COG5: variants seen among roughly 807,000 people sequenced by gnomAD.
The protein encoded by COG5 is component of oligomeric golgi complex 5, also known as conserved oligomeric Golgi complex subunit 5.
In COG5, 86 loss-of-function variants were observed where a neutral mutation model predicts 110.4. The observed-to-expected ratio is 0.78, with a 90% CI of 0.65 to 0.93. The LOEUF (loss-of-function observed/expected upper bound fraction) is 0.93, where lower values mean the gene tolerates loss of function less well. Among genes scored for constraint, COG5 ranks in the 40% least tolerant of loss-of-function variants. The pLI is 0.00. For missense variants in COG5, 1,077 were observed against 987.0 expected (o/e 1.09, Z -1.22); for synonymous variants, 360 against 334.6 (o/e 1.08, Z -0.83).
At chr7:107,506,630 T>C (rs1799032054) in intron 6 of COG5, among the ~76,000 whole-genome samples, 1 of 152,024 alleles carries the variant, frequency 6.6e-6, no homozygotes, top group South Asian at 2.1e-4. Context: ...GCAAGGCAGA[T>C]CTCACACCCA....
At chr7:107,457,952 T>A (rs1317081345) in intron 6 of COG5, among the ~76,000 whole-genome samples, 1 of 151,648 alleles carries the variant, frequency 6.6e-6, no homozygotes, top group Admixed American at 6.6e-5. Flanking sequence ...TACATCACAA[T>A]GAAAATTATA....
intron 6 of COG5, among the ~76,000 whole-genome samples, chr7:107,469,005 A>ATTAAATTTAAT (rs965476393): frequency 2.0e-5 from 3 of 149,726 alleles, no homozygotes; most frequent in African/African-American, 7.3e-5. Flanking sequence ...TATTTTTAAT[A>ATTAAATTTAAT]TTAAATTTAA....
rs572538429 is a variant in COG5, at chr7:107,318,152, G to A, written c.1108+6288C>T. Among the ~76,000 whole-genome samples, 182 of 151,954 alleles carry A rather than the reference G, an allele frequency of 1.2e-3. 2 individuals carry two copies. Among genetic ancestry groups the A allele is most frequent in the African/African-American group, 4.1e-3 (170 of 41,456 alleles). ...AAGTGATTCCCCTGCCTCAGCCTCC[G>A]GAGCAGCTGGGACTACAGACGCGTG... is the stretch of plus-strand genomic sequence containing the variant. On this transcript the variant is annotated intron_variant, in intron 11 of 21. Transcript: ENST00000297135.
At chr7:107,208,428 CTTG>C (rs566510450) in intron 21 of COG5, 15 of 985,300 alleles carry the variant, frequency 1.5e-5, no homozygotes, top group African/African-American at 3.5e-5. Context: ...CTCATTCCAA[CTTG>C]TTAAGACGAC....
intron 5 of COG5, among the ~76,000 whole-genome samples, chr7:107,527,827 G>A (rs1027238814): frequency 2.0e-5 from 3 of 152,182 alleles, no homozygotes; most frequent in African/African-American, 7.2e-5. Context: ...ACAAATTCAA[G>A]TGGGTAGACT....
intron 6 of COG5, among the ~76,000 whole-genome samples, chr7:107,483,435 G>A (rs2129122257): frequency 6.6e-6 from 1 of 152,326 alleles, no homozygotes; most frequent in East Asian, 1.9e-4. Flanking sequence ...GCTGGGCATG[G>A]TGGCACATGC....
At chr7:107,548,442 C>T (rs1802634775) in intron 3 of COG5, 110 bp from the exon 4 acceptor site, 8 of 1,038,924 alleles carry the variant, frequency 7.7e-6, no homozygotes, top group Non-Finnish European at 1.2e-5. Flanking sequence ...CTTTTTTTGT[C>T]ACCATCCTAA....
intron 6 of COG5, among the ~76,000 whole-genome samples, chr7:107,492,475 T>C (rs988376755): frequency 3.9e-5 from 6 of 152,118 alleles, no homozygotes; most frequent in Admixed American, 1.3e-4. Context: ...TATTCCCTTC[T>C]GGAGGCCCTT....
At chr7:107,284,641 A>G (rs1460242238) in intron 12 of COG5, among the ~76,000 whole-genome samples, 1 of 152,232 alleles carries the variant, frequency 6.6e-6, no homozygotes, top group Non-Finnish European at 1.5e-5. Flanking sequence ...ATTCTTCACA[A>G]CATCAAATGT....
At chr7:107,346,638 C>T (rs1366106148) in intron 10 of COG5, among the ~76,000 whole-genome samples, 1 of 152,200 alleles carries the variant, frequency 6.6e-6, no homozygotes, top group East Asian at 1.9e-4. Flanking sequence ...CATCTAACTT[C>T]TACCCATATG....
At chr7:107,480,413 G>A (rs573240174) in intron 6 of COG5, among the ~76,000 whole-genome samples, 39 of 152,144 alleles carry the variant, frequency 2.6e-4, no homozygotes, top group African/African-American at 9.2e-4. Flanking sequence ...CCCACTCAGG[G>A]ACTGCAGTGA....
intron 14 of COG5, among the ~76,000 whole-genome samples, chr7:107,263,229 C>T (rs184897709): frequency 1.3e-5 from 2 of 152,298 alleles, no homozygotes; most frequent in African/African-American, 4.8e-5. Flanking sequence ...CTATCTCAAG[C>T]CATTTCCTGT....
chr7:107,437,356 C>A (rs1794429504), intron 6 of COG5, among the ~76,000 whole-genome samples: 1 of 152,132 alleles, frequency 6.6e-6, no homozygotes, highest in Non-Finnish European at 1.5e-5. Flanking sequence ...AGCCCTTTGG[C>A]ATCATTTTAA....
intron 11 of COG5, among the ~76,000 whole-genome samples, chr7:107,308,785 T>C (rs755881220): frequency 1.3e-5 from 2 of 152,154 alleles, no homozygotes; most frequent in Non-Finnish European, 2.9e-5. Context: ...TATGAATGTA[T>C]GGTGGATTTA....
chr7:107,206,862 A>G (rs1474388846), intron 21 of COG5, among the ~76,000 whole-genome samples: 1 of 152,240 alleles, frequency 6.6e-6, no homozygotes, highest in Non-Finnish European at 1.5e-5. Flanking sequence ...AGTACTTATT[A>G]AATTACTTCA....
intron 7 of COG5, among the ~76,000 whole-genome samples, chr7:107,392,868 C>T (rs1790723060): frequency 6.6e-6 from 1 of 152,096 alleles, no homozygotes; most frequent in African/African-American, 2.4e-5. Flanking sequence ...TGTACAAATA[C>T]ACACGTTAGC....
intron 7 of COG5, among the ~76,000 whole-genome samples, chr7:107,404,941 G>T (rs1229374626): frequency 1.4e-5 from 2 of 145,278 alleles, no homozygotes; most frequent in African/African-American, 5.1e-5. Context: ...TCTGAGGAAT[G>T]CTGAAGGACC....
chr7:107,479,974 T>G (rs1321409174), intron 6 of COG5, among the ~76,000 whole-genome samples: 1 of 152,176 alleles, frequency 6.6e-6, no homozygotes, highest in African/African-American at 2.4e-5. Flanking sequence ...AATAACTTAT[T>G]ATGGGCATCC....
chr7:107,374,317 T>C (rs911146352), intron 7 of COG5, among the ~76,000 whole-genome samples: 4 of 152,124 alleles, frequency 2.6e-5, no homozygotes, highest in Non-Finnish European at 5.9e-5. Context: ...CATGTCATTA[T>C]TTAAGTGTAT....
Sources: allele counts gnomAD v4.1 joint callset (sites outside exome capture counted in the v4.1 genomes callset), GRCh38; gene constraint gnomAD v4.1.1; transcripts MANE v1.5; gene names NCBI Gene and HGNC (gene_info 2026-07-23, HGNC 2026-07-21).